TSPAN5: variants seen among roughly 807,000 people sequenced by gnomAD.
TSPAN5 encodes the protein tetraspanin 5, also known as tetraspanin-5.
In TSPAN5, 10 loss-of-function variants were observed where a neutral mutation model predicts 37.1. The ratio of observed to expected loss-of-function variants is 0.27; its 90% confidence interval spans 0.17 to 0.46. The LOEUF (loss-of-function observed/expected upper bound fraction) is 0.46. Among genes scored for constraint, TSPAN5 ranks in the 20% least tolerant of loss-of-function variants. The pLI is 1.00. For synonymous variants in TSPAN5, 110 were observed against 118.9 expected (o/e 0.93, Z 0.48); for missense variants, 195 against 326.6 (o/e 0.60, Z 3.11).
At chr4:98,638,649 C>CA (rs1461901327) in intron 1 of TSPAN5, among the ~76,000 whole-genome samples, 2 of 152,166 alleles carry the variant, frequency 1.3e-5, no homozygotes, top group Admixed American at 6.5e-5. Context: ...CTTTCTAGAG[C>CA]ACCACCCTAC....
chr4:98,589,128 G>A (rs1893714), intron 1 of TSPAN5, among the ~76,000 whole-genome samples: 91,016 of 151,898 alleles, frequency 0.6, 27,406 homozygotes, highest in South Asian at 0.69. Flanking sequence ...TGCTCTCTAC[G>A]TGTGAAGAAA....
rs562813894 is a variant in TSPAN5 at position 98,610,562 on chromosome 4, G to T, written c.81+47584C>A. On this transcript the variant is annotated intron_variant, in intron 1 of 7. Transcript: ENST00000305798. ...AGGGCTGGCCCTGGCCATCTTACAG[G>T]TACCTTCAATTACTAGACCACACAG... Among the ~76,000 whole-genome samples the T allele has an allele frequency of 6.9e-4, 105 of 152,144 alleles. 1 individual carries two copies. The highest frequency in any genetic ancestry group is 1.3e-3 in the Non-Finnish European group (90 of 68,030).
At chr4:98,626,895 T>TC (rs1466107437) in intron 1 of TSPAN5, among the ~76,000 whole-genome samples, 2 of 150,328 alleles carry the variant, frequency 1.3e-5, no homozygotes, top group Non-Finnish European at 3.0e-5. Context: ...GGTTTTTTTT[T>TC]TTTTTTTTTT....
chr4:98,473,481 C>T, intron 7 of TSPAN5, among the ~76,000 whole-genome samples: 1 of 138,114 alleles, frequency 7.2e-6, no homozygotes, highest in Non-Finnish European at 1.5e-5. Context: ...GAGACGGAGT[C>T]TCGCTCTGTC....
At chr4:98,637,287 T>C (rs1756877037) in intron 1 of TSPAN5, among the ~76,000 whole-genome samples, 1 of 152,126 alleles carries the variant, frequency 6.6e-6, no homozygotes, top group African/African-American at 2.4e-5. Context: ...GCAGTTCGCC[T>C]CCTGTGTAGC....
intron 1 of TSPAN5, among the ~76,000 whole-genome samples, chr4:98,643,092 C>T (rs970091711): frequency 1.3e-5 from 2 of 152,222 alleles, no homozygotes; most frequent in Non-Finnish European, 2.9e-5. Context: ...CCCAGAGCAA[C>T]TTCCAGTCCT....
chr4:98,527,064 A>G (rs1207763391), intron 1 of TSPAN5, among the ~76,000 whole-genome samples: 1 of 152,190 alleles, frequency 6.6e-6, no homozygotes, highest in East Asian at 1.9e-4. Context: ...ATTGACATCG[A>G]CTGTGCTTAG....
intron 1 of TSPAN5, among the ~76,000 whole-genome samples, chr4:98,584,816 T>C (rs1262648736): frequency 6.6e-6 from 1 of 152,210 alleles, no homozygotes; most frequent in Non-Finnish European, 1.5e-5. Flanking sequence ...CCAAGAGAAT[T>C]GAATGTGTCT....
At chr4:98,520,935 G>T (rs1346298551) in intron 1 of TSPAN5, among the ~76,000 whole-genome samples, 3 of 151,536 alleles carry the variant, frequency 2.0e-5, no homozygotes, top group South Asian at 2.1e-4. Context: ...CACTTTTTTG[G>T]GGGGCAGGGT....
chr4:98,479,081 C>G (rs886835812), intron 4 of TSPAN5, among the ~76,000 whole-genome samples: 3 of 152,168 alleles, frequency 2.0e-5, no homozygotes, highest in African/African-American at 7.2e-5. Flanking sequence ...AGCTGTACAG[C>G]AGGGCTCAGT....
chr4:98,492,917 G>A (rs530666399), intron 2 of TSPAN5, among the ~76,000 whole-genome samples: 2 of 152,184 alleles, frequency 1.3e-5, no homozygotes, highest in African/African-American at 2.4e-5. Context: ...CCTCAAACAC[G>A]GAAAAAAATC....
intron 1 of TSPAN5, among the ~76,000 whole-genome samples, chr4:98,561,243 C>T (rs1295175388): frequency 6.6e-6 from 1 of 152,258 alleles, no homozygotes; most frequent in African/African-American, 2.4e-5. Flanking sequence ...TGGAAAGGGC[C>T]TGGGCCTATA....
chr4:98,553,545 A>T (rs753119946), intron 1 of TSPAN5, among the ~76,000 whole-genome samples: 1 of 152,170 alleles, frequency 6.6e-6, no homozygotes, highest in Non-Finnish European at 1.5e-5. Context: ...TGTCCATTAA[A>T]ACTTCGTAAG....
intron 1 of TSPAN5, among the ~76,000 whole-genome samples, chr4:98,652,372 G>T (rs1355663266): frequency 6.6e-6 from 1 of 152,162 alleles, no homozygotes; most frequent in African/African-American, 2.4e-5. Context: ...TTTCATTTAT[G>T]AATTTTCAAT....
intron 2 of TSPAN5, among the ~76,000 whole-genome samples, chr4:98,495,805 TGC>T (rs1454983363): frequency 6.6e-6 from 1 of 151,764 alleles, no homozygotes; most frequent in Non-Finnish European, 1.5e-5. Flanking sequence ...AGCCTCTGTG[TGC>T]CACCTGGCAA....
chr4:98,616,392 A>T (rs1756338079), intron 1 of TSPAN5, among the ~76,000 whole-genome samples: 1 of 152,140 alleles, frequency 6.6e-6, no homozygotes, highest in Non-Finnish European at 1.5e-5. Flanking sequence ...ACCTTGAAAT[A>T]ATGCTTAGAA....
chr4:98,486,123 T>C (rs1752952824), intron 3 of TSPAN5, among the ~76,000 whole-genome samples: 1 of 152,186 alleles, frequency 6.6e-6, no homozygotes, highest in African/African-American at 2.4e-5. Context: ...TCACTTTTCA[T>C]TCTCTATTTT....
chr4:98,634,855 A>G lies in TSPAN5; in HGVS notation c.81+23291T>C, dbSNP rs1187741333. The stretch of plus-strand genomic sequence containing the variant: ...ACCCAACTGGACAGAGTGGGAGAAG[A>G]GACAAAAGATGTCCATTCTTTGGAA... On this transcript the variant is annotated intron_variant, in intron 1 of 7. Transcript: ENST00000305798. 7.2e-5 allele frequency among the ~76,000 whole-genome samples: 11 copies of G among 152,352 alleles called. No homozygotes were observed. In the East Asian group the frequency reaches 1.3e-3, roughly 19 times the overall value.
chr4:98,572,369 T>C (rs184572036), intron 1 of TSPAN5, among the ~76,000 whole-genome samples: 1 of 152,300 alleles, frequency 6.6e-6, no homozygotes, highest in Admixed American at 6.5e-5. Flanking sequence ...GACACAGTTG[T>C]GAAGATTAAA....
Sources: gnomAD v4.1 joint callset for allele counts (sites outside exome capture counted in the v4.1 genomes callset) on GRCh38, gnomAD v4.1.1 for gene constraint, MANE v1.5 for transcripts, NCBI Gene and HGNC (gene_info 2026-07-23, HGNC 2026-07-21) for gene names.